Variants in GNAL observed in about 807,000 individuals in gnomAD.
GNAL encodes G protein subunit alpha L, also known as guanine nucleotide-binding protein G(olf) subunit alpha.
A neutral mutation model predicts 55.1 loss-of-function variants in GNAL; 18 were observed. That is an observed-to-expected ratio of 0.33 (90% CI 0.23 to 0.48). The LOEUF is 0.48. GNAL is among the 20% of genes least tolerant of loss of function. The pLI is 0.99. For synonymous variants in GNAL, 253 were observed against 237.0 expected, an observed-to-expected ratio of 1.07 and a Z score of -0.62; for missense variants, 412 against 614.1, an observed-to-expected ratio of 0.67 and a Z score of 3.48.
chr18:11,812,799 C>T (rs1275738356), intron 4 of GNAL, among the ~76,000 whole-genome samples: 1 of 151,494 alleles, frequency 6.6e-6, no homozygotes, highest in Non-Finnish European at 1.5e-5. Flanking sequence ...GCCGAGCTCG[C>T]ACCACTGCAC....
intron 5 of GNAL, among the ~76,000 whole-genome samples, chr18:11,840,875 C>CTTTTTTTTTTTT (rs112505457): frequency 7.3e-6 from 1 of 137,028 alleles, no homozygotes; most frequent in Non-Finnish European, 1.6e-5. Flanking sequence ...TTTTTCTTTT[C>CTTTTTTTTTTTT]TTTTTTTTTT....
At chr18:11,863,592 G>A (rs1441064433) in intron 6 of GNAL, among the ~76,000 whole-genome samples, 2 of 152,054 alleles carry the variant, frequency 1.3e-5, no homozygotes, top group Non-Finnish European at 2.9e-5. Context: ...CACCTCCCAT[G>A]TTCCAGAATT....
At chr18:11,790,186 G>A (rs540846665) in intron 4 of GNAL, among the ~76,000 whole-genome samples, 1 of 152,318 alleles carries the variant, frequency 6.6e-6, no homozygotes, top group African/African-American at 2.4e-5. Context: ...TGTTGGATGA[G>A]GGGTTGAGAG....
chr18:11,866,361 A>G (rs2036263165), intron 7 of GNAL, among the ~76,000 whole-genome samples: 1 of 150,364 alleles, frequency 6.7e-6, no homozygotes, highest in Non-Finnish European at 1.5e-5. Context: ...GTGTGGTCCT[A>G]AGGCACATGC....
intron 4 of GNAL, among the ~76,000 whole-genome samples, chr18:11,772,745 C>T (rs1221445733): frequency 6.6e-6 from 1 of 152,206 alleles, no homozygotes; most frequent in Non-Finnish European, 1.5e-5. Flanking sequence ...TCCATTCATG[C>T]AGGGTGCGGG....
chr18:11,880,652 A>C (rs2036658537), intron 11 of GNAL, among the ~76,000 whole-genome samples: 1 of 152,204 alleles, frequency 6.6e-6, no homozygotes, highest in Non-Finnish European at 1.5e-5. Flanking sequence ...CTAGATAGCG[A>C]CTATCATATT....
Position 11,872,175 on chromosome 18 carries a change from G to T in GNAL, c.1032-93G>T, listed in dbSNP as rs2855639. The T allele has an allele frequency of 0.17, 126,854 of 734,142 alleles. 12,072 individuals carry two copies. The highest frequency in any genetic ancestry group is 0.19 in the Non-Finnish European group (82,863 of 442,584). The allele number at this position is 734,142 out of a possible 1,614,324, so 45.5% of individuals were successfully genotyped here. A position where few individuals can be genotyped will look rare whatever the true frequency, so the allele number is the denominator to read the frequency against. On this transcript the variant is annotated intron_variant, in intron 9 of 11. Transcript: ENST00000334049. ...GAATCCTATACATTTTTAGGAAGAC[G>T]ATGGTATTCTTTTAATTTAGCAACT...
intron 4 of GNAL, among the ~76,000 whole-genome samples, chr18:11,794,633 A>AAAAT (rs2034327396): frequency 6.6e-6 from 1 of 152,118 alleles, no homozygotes. Context: ...TGGACTGATG[A>AAAAT]AAATGCCTTT....
At chr18:11,807,344 G>A (rs1294118941) in intron 4 of GNAL, among the ~76,000 whole-genome samples, 1 of 152,210 alleles carries the variant, frequency 6.6e-6, no homozygotes, top group Non-Finnish European at 1.5e-5. Context: ...GGTGAGAAGG[G>A]TGGGAACAGA....
chr18:11,861,324 CA>C (rs1327853904), intron 5 of GNAL, among the ~76,000 whole-genome samples: 3 of 152,146 alleles, frequency 2.0e-5, no homozygotes, highest in Non-Finnish European at 4.4e-5. Flanking sequence ...CCCTGCTTGC[CA>C]TTTAACCCAT....
intron 1 of GNAL, among the ~76,000 whole-genome samples, chr18:11,747,893 T>G (rs1002444484): frequency 2.6e-5 from 4 of 152,090 alleles, no homozygotes; most frequent in African/African-American, 9.7e-5. Context: ...AGGGCAGCCC[T>G]GGGTCCCCGC....
Position 11,723,307 on chromosome 18 carries a change from T to G in GNAL, c.377-29546T>G, listed in dbSNP as rs531464528. On this transcript the variant is annotated intron_variant, in intron 1 of 11. Coordinates refer to ENST00000334049, the MANE Select transcript of GNAL (RefSeq NM_182978.4). Reference sequence around the variant, plus strand: ...ACTTTACAAACACATTTGAATTTCGTATAGTTCTCACATGTCATGAAATCA... The same window carrying G: ...ACTTTACAAACACATTTGAATTTCGGATAGTTCTCACATGTCATGAAATCA... 2.8e-3 allele frequency among the ~76,000 whole-genome samples: 424 copies of G among 152,368 alleles called. 1 individual carries two copies. Among genetic ancestry groups the G allele is most frequent in the South Asian group, 0.027 (129 of 4,832 alleles).
intron 1 of GNAL, chr18:11,746,750 C>T (rs2032696441): frequency 3.3e-6 from 1 of 303,362 alleles, no homozygotes; most frequent in South Asian, 3.3e-5. Context: ...CTGAAAGAGA[C>T]GCAGTGCAAA....
intron 4 of GNAL, among the ~76,000 whole-genome samples, chr18:11,791,212 C>T (rs1395311852): frequency 6.6e-6 from 1 of 152,144 alleles, no homozygotes; most frequent in Non-Finnish European, 1.5e-5. Context: ...TGGCTAGGAT[C>T]CTAGTGAAGG....
intron 9 of GNAL, among the ~76,000 whole-genome samples, chr18:11,869,687 G>A (rs1221716661): frequency 6.6e-6 from 1 of 151,780 alleles, no homozygotes; most frequent in Non-Finnish European, 1.5e-5. Flanking sequence ...CTGAGACGGG[G>A]GAATTGCTTG....
intron 4 of GNAL, among the ~76,000 whole-genome samples, chr18:11,790,368 G>A (rs895056002): frequency 6.6e-6 from 1 of 152,054 alleles, no homozygotes. Flanking sequence ...AGCTCCTCAC[G>A]ATTCCCCCAG....
chr18:11,855,339 C>T (rs547159941), intron 5 of GNAL, among the ~76,000 whole-genome samples: 1 of 152,162 alleles, frequency 6.6e-6, no homozygotes. Context: ...ACAAAAGTAT[C>T]CAACTGAAAC....
chr18:11,824,552 G>A (rs2035189439), intron 4 of GNAL, among the ~76,000 whole-genome samples: 1 of 152,026 alleles, frequency 6.6e-6, no homozygotes, highest in Non-Finnish European at 1.5e-5. Flanking sequence ...GCCAGGCACA[G>A]TGGCATGTGC....
rs1308505805 is a variant in GNAL, at chr18:11,752,330, A to G, written c.377-523A>G. ...AAGAGACCAGACCATCTCTTTCAGC[A>G]GCAGGAAAGAGAGGAGCCGTCGCAG... On this transcript the variant is annotated intron_variant, in intron 1 of 11. Transcript: ENST00000334049. The surrounding 1 kb of genome is among the most constrained non-coding windows in gnomAD (Gnocchi z 4.5). The G allele has an allele frequency of 1.4e-5, 21 of 1,479,656 alleles. No homozygotes were observed. The highest frequency in any genetic ancestry group is 1.9e-5 in the Non-Finnish European group (21 of 1,119,912). 91.7% of individuals were successfully genotyped at this position (1,479,656 alleles called of 1,614,324 possible). A position where few individuals can be genotyped will look rare whatever the true frequency, so the allele number is the denominator to read the frequency against.
Sources: allele counts gnomAD v4.1 joint callset (sites outside exome capture counted in the v4.1 genomes callset), GRCh38; gene constraint gnomAD v4.1.1; non-coding constraint Gnocchi (gnomAD v3.1); transcripts MANE v1.5; gene names NCBI Gene and HGNC (gene_info 2026-07-23, HGNC 2026-07-21).